FBN2: variants seen among roughly 807,000 people sequenced by gnomAD.
FBN2 encodes fibrillin 2, also known as fibrillin-2.
Under a neutral mutation model 355.6 loss-of-function variants are expected in FBN2, and 105 were observed. That is an observed-to-expected ratio of 0.30 (90% CI 0.25 to 0.35). The LOEUF is 0.35. Among genes scored for constraint, FBN2 ranks in the 10% least tolerant of loss-of-function variants. The probability of loss-of-function intolerance (pLI) is 1.00; values close to 1 mark genes in which losing one functional copy is unlikely to be tolerated. For synonymous variants in FBN2, 1,350 were observed against 1,301.2 expected (o/e 1.04, Z -0.81); for missense variants, 3,280 against 3,758.7 (o/e 0.87, Z 3.33).
chr5:128,533,126 G>C (rs973083743), intron 2 of FBN2, among the ~76,000 whole-genome samples: 1 of 152,198 alleles, frequency 6.6e-6, no homozygotes, highest in Non-Finnish European at 1.5e-5. Flanking sequence ...TTCCTGCCAT[G>C]GAGTTGACTC....
At chr5:128,334,992 C>T in intron 30 of FBN2, 148 bp from the exon 31 acceptor site, 1 of 1,176,390 alleles carries the variant, frequency 8.5e-7, no homozygotes, top group South Asian at 1.3e-5. Context: ...GATAAATATA[C>T]AACCTGCCTT....
rs758764266 is a variant in FBN2 at position 128,464,813 on chromosome 5, G to A, written c.737C>T (p.Ala246Val). 18 of 1,614,096 alleles carry A rather than the reference G, an allele frequency of 1.1e-5. No individual in the cohort carries two copies. The highest frequency in any genetic ancestry group is 3.3e-5 in the South Asian group (3 of 91,086). ...ACACATCTCACAGGGATGGCCCCAC[G>A]CCCGTCCAATGGTGGCACAGCACAG... is the stretch of plus-strand genomic sequence containing the variant. ...KTLCCATIGR[A>V]WGHPCEMCPA... Residue 246 changes from alanine to valine, a missense_variant, in exon 6 of 65, where the codon GCG (alanine) becomes GTG (valine). By Grantham distance (64) the Ala-to-Val change is moderately conservative (BLOSUM62 0). Transcript: ENST00000262464.
chr5:128,508,960 T>C (rs1040768613), intron 5 of FBN2, among the ~76,000 whole-genome samples: 17 of 152,120 alleles, frequency 1.1e-4, no homozygotes, highest in Non-Finnish European at 4.4e-5. Flanking sequence ...AAATAATTTG[T>C]TGTTATTTTT....
intron 23 of FBN2, among the ~76,000 whole-genome samples, chr5:128,347,046 T>C (rs556578897): frequency 1.3e-5 from 2 of 152,278 alleles, no homozygotes; most frequent in Admixed American, 1.3e-4. Flanking sequence ...TTATAGCTGG[T>C]TCCGTCCCAT....
At chr5:128,434,004 T>G (rs1315735960) in intron 7 of FBN2, among the ~76,000 whole-genome samples, 1 of 152,106 alleles carries the variant, frequency 6.6e-6, no homozygotes, top group Non-Finnish European at 1.5e-5. Flanking sequence ...TAAGGGCTCT[T>G]TAAATAGCTG....
Position 128,330,571 on chromosome 5 carries a change from A to AC in FBN2, c.4345+1dup. ...AGAGCACACCTCAGGACTGTCACCC[A>AC]CCTGAGCAGGTAAAGCCATCACCAG... On this transcript the variant is annotated splice_donor_variant, in intron 33 of 64. Transcript: ENST00000262464. LOFTEE classifies it high-confidence loss of function. 6.2e-7 allele frequency: 1 copy of AC among 1,614,038 alleles called. No individual in the cohort carries two copies. Among genetic ancestry groups the AC allele is most frequent in the Non-Finnish European group, 8.5e-7 (1 of 1,179,912 alleles).
At chr5:128,438,590 C>T (rs1753836001) in intron 7 of FBN2, among the ~76,000 whole-genome samples, 1 of 152,162 alleles carries the variant, frequency 6.6e-6, no homozygotes, top group Admixed American at 6.5e-5. Context: ...CATATATTGT[C>T]TACTTGGCAG....
intron 5 of FBN2, among the ~76,000 whole-genome samples, chr5:128,478,423 TAA>T (rs1755062593): frequency 6.6e-6 from 1 of 152,224 alleles, no homozygotes; most frequent in African/African-American, 2.4e-5. Context: ...TTTCTTTTGG[TAA>T]CCTTTAAACA....
At chr5:128,378,066 C>G (rs1350737613) in intron 12 of FBN2, among the ~76,000 whole-genome samples, 189 bp from the exon 13 acceptor site, 1 of 124,968 alleles carries the variant, frequency 8.0e-6, no homozygotes, top group Non-Finnish European at 1.6e-5. Context: ...CTTATAGTAG[C>G]TGAAGTGGGA....
rs146990457 is a variant in FBN2 at position 128,350,767 on chromosome 5, C to T, written c.2812+101G>A. Reference sequence around the variant, plus strand: ...TAACATTTTAGCAAAAGTAAATGATCTCTGACCTTCTTCACTAAGGAACTG... The same window carrying T: ...TAACATTTTAGCAAAAGTAAATGATTTCTGACCTTCTTCACTAAGGAACTG... On this transcript the variant is annotated intron_variant, in intron 21 of 64. Transcript: ENST00000262464. 1.9e-4 allele frequency: 262 copies of T among 1,344,724 alleles called. 3 individuals carry two copies. In the African/African-American group the frequency reaches 2.4e-3, roughly 13 times the overall value. 83.3% of individuals were successfully genotyped at this position (1,344,724 alleles called of 1,614,324 possible). A position where few individuals can be genotyped will look rare whatever the true frequency, so the allele number is the denominator to read the frequency against.
chr5:128,409,797 C>T (rs548424936), intron 7 of FBN2, among the ~76,000 whole-genome samples: 19 of 152,180 alleles, frequency 1.2e-4, no homozygotes, highest in African/African-American at 4.6e-4. Context: ...TTTCTCTTTT[C>T]AGTTGCATTT....
intron 5 of FBN2, among the ~76,000 whole-genome samples, chr5:128,510,169 A>G (rs1756075815): frequency 6.6e-6 from 1 of 152,170 alleles, no homozygotes; most frequent in South Asian, 2.1e-4. Context: ...GGAGTGTTCA[A>G]TCTTTTGATT....
intron 36 of FBN2, among the ~76,000 whole-genome samples, chr5:128,316,876 G>A (rs913712883): frequency 7.2e-5 from 11 of 152,172 alleles, no homozygotes; most frequent in African/African-American, 2.7e-4. Context: ...CAGTGAGTCA[G>A]AATTTCTGAG....
intron 5 of FBN2, among the ~76,000 whole-genome samples, chr5:128,495,948 G>A (rs1755644284): frequency 6.6e-6 from 1 of 152,034 alleles, no homozygotes; most frequent in Non-Finnish European, 1.5e-5. Flanking sequence ...ATTACCAACA[G>A]TGACTCTAGA....
At chr5:128,292,475 C>T (rs568299095) in intron 48 of FBN2, among the ~76,000 whole-genome samples, 1 of 152,286 alleles carries the variant, frequency 6.6e-6, no homozygotes, top group African/African-American at 2.4e-5. Flanking sequence ...CTCGCTGTTG[C>T]ACCTTTAGCT....
At chr5:128,494,792 T>C (rs1032438716) in intron 5 of FBN2, among the ~76,000 whole-genome samples, 1 of 152,074 alleles carries the variant, frequency 6.6e-6, no homozygotes, top group African/African-American at 2.4e-5. Flanking sequence ...ACAAAATAAT[T>C]AAACAATAGT....
chr5:128,468,777 T>C lies in FBN2; in HGVS notation c.629-3856A>G, dbSNP rs186369709. 3.1e-3 allele frequency among the ~76,000 whole-genome samples: 467 copies of C among 152,316 alleles called. 2 individuals are homozygous for C. The highest frequency in any genetic ancestry group is 6.8e-3 in the Middle Eastern group (2 of 294). On this transcript the variant is annotated intron_variant, in intron 5 of 64. Coordinates refer to ENST00000262464, the MANE Select transcript of FBN2 (RefSeq NM_001999.4). Reference sequence around the variant, plus strand: ...AGAAAACCAAAGTTGAGCATTATTGTTTATAGAAAATACAAGTTGAGAAAA... The same window carrying C: ...AGAAAACCAAAGTTGAGCATTATTGCTTATAGAAAATACAAGTTGAGAAAA...
Position 128,277,992 on chromosome 5 carries a change from A to G in FBN2, c.7359T>C (p.Cys2453=). ...TGGTGCAGAGGTTTGGCATTACCTT[A>G]CATTCATCAATATCTGTGGACCAAA... ...YTTDGRDIDE[C]KVMPNLCTNG... is the part of the protein sequence containing the mutation. The change falls in exon 58 of 65, where the codon TGT becomes TGC. Residue 2453 remains cysteine, a synonymous_variant. Transcript: ENST00000262464. 6.2e-7 allele frequency: 1 copy of G among 1,614,064 alleles called. No individual in the cohort carries two copies. The highest frequency in any genetic ancestry group is 8.5e-7 in the Non-Finnish European group (1 of 1,179,962).
At chr5:128,440,377 T>C (rs923931855) in intron 7 of FBN2, among the ~76,000 whole-genome samples, 7 of 152,150 alleles carry the variant, frequency 4.6e-5, no homozygotes, top group African/African-American at 7.2e-5. Context: ...ACAGGAAGCA[T>C]GGCTAGGGAA....
Sources: gnomAD v4.1 joint callset for allele counts (sites outside exome capture counted in the v4.1 genomes callset) on GRCh38, gnomAD v4.1.1 for gene constraint, MANE v1.5 for transcripts, NCBI Gene and HGNC (gene_info 2026-07-23, HGNC 2026-07-21) for gene names.